CLNK: variants seen among roughly 807,000 people sequenced by gnomAD.
CLNK encodes cytokine dependent hematopoietic cell linker, also known as cytokine-dependent hematopoietic cell linker.
In CLNK, 74 loss-of-function variants were observed where a neutral mutation model predicts 68.6. The observed-to-expected ratio is 1.08, with a 90% CI of 0.89 to 1.31. CLNK has a LOEUF of 1.31. Among genes scored for constraint, CLNK ranks in the 50% most tolerant of loss-of-function variants. The pLI, the probability that CLNK is intolerant of heterozygous loss-of-function variation, is 0.00. For missense variants in CLNK, 553 were observed against 515.3 expected (o/e 1.07, Z -0.71); for synonymous variants, 198 against 172.2 (o/e 1.15, Z -1.17).
the CLNK span, among the ~76,000 whole-genome samples, chr4:10,722,364 T>A: frequency 1.3e-5 from 2 of 152,166 alleles, no homozygotes; most frequent in South Asian, 4.2e-4. Context: ...GGCTCCAACA[T>A]CCCCTTCCAG....
chr4:10,728,385 A>AGTGTGTGT, the CLNK span, among the ~76,000 whole-genome samples: 47 of 146,832 alleles, frequency 3.2e-4, no homozygotes, highest in South Asian at 1.5e-3. Context: ...TATTCTAAAG[A>AGTGTGTGT]GTGTGTGTGT....
chr4:10,613,164 A>G (rs1171048366), intron 2 of CLNK, among the ~76,000 whole-genome samples: 1 of 152,190 alleles, frequency 6.6e-6, no homozygotes, highest in African/African-American at 2.4e-5. Context: ...AGTAAACAGA[A>G]TGAATCAGGA....
At chr4:10,534,822 C>T (rs1199601197) in intron 11 of CLNK, among the ~76,000 whole-genome samples, 1 of 152,042 alleles carries the variant, frequency 6.6e-6, no homozygotes, top group Non-Finnish European at 1.5e-5. Flanking sequence ...ACCCAGTTTC[C>T]CCCAATAGCA....
chr4:10,699,872 C>T, the CLNK span, among the ~76,000 whole-genome samples: 8 of 151,924 alleles, frequency 5.3e-5, no homozygotes, highest in Non-Finnish European at 7.4e-5. Context: ...AATATCAATG[C>T]TATGTACATA....
At chr4:10,600,554 T>C (rs911307787) in intron 2 of CLNK, among the ~76,000 whole-genome samples, 1 of 152,170 alleles carries the variant, frequency 6.6e-6, no homozygotes, top group African/African-American at 2.4e-5. Flanking sequence ...CATGTCCATA[T>C]CCCCTTGCAT....
At chr4:10,678,692 A>G (rs927022826) in intron 1 of CLNK, among the ~76,000 whole-genome samples, 8 of 152,196 alleles carry the variant, frequency 5.3e-5, no homozygotes, top group African/African-American at 1.7e-4. Flanking sequence ...AGGATACAAA[A>G]TCAATGTGCA....
intron 8 of CLNK, among the ~76,000 whole-genome samples, chr4:10,546,791 G>T (rs1191370803): frequency 1.3e-5 from 2 of 152,070 alleles, no homozygotes; most frequent in East Asian, 1.9e-4. Context: ...TGGAAACTAG[G>T]TGATGATTTA....
intron 11 of CLNK, among the ~76,000 whole-genome samples, chr4:10,537,710 T>TTCCTTCCTTC (rs1472351077): frequency 6.0e-5 from 3 of 49,672 alleles, no homozygotes; most frequent in African/African-American, 9.4e-5. Context: ...TTCCTTCCTT[T>TTCCTTCCTTC]CTTTCTTTCT....
chr4:10,502,814 C>G (rs1717109563), intron 17 of CLNK, among the ~76,000 whole-genome samples: 1 of 151,836 alleles, frequency 6.6e-6, no homozygotes, highest in Non-Finnish European at 1.5e-5. Context: ...GGCAAGGAAG[C>G]AAAGACAGAA....
chr4:10,513,912 G>A (rs1293188929), intron 15 of CLNK, among the ~76,000 whole-genome samples: 2 of 143,872 alleles, frequency 1.4e-5, no homozygotes, highest in Admixed American at 7.0e-5. Flanking sequence ...CATTGTGCAG[G>A]TTAGTTACAT....
chr4:10,656,858 ATAT>A (rs1198888814), intron 2 of CLNK, among the ~76,000 whole-genome samples: 1 of 152,326 alleles, frequency 6.6e-6, no homozygotes, highest in East Asian at 1.9e-4. Flanking sequence ...GCACATAAAA[ATAT>A]TATATTTCCA....
the CLNK span, chr4:10,697,529 C>A: frequency 6.6e-6 from 1 of 152,046 alleles, no homozygotes; most frequent in Non-Finnish European, 1.5e-5. Flanking sequence ...AGGATTATGG[C>A]GATGGATGAC....
chr4:10,633,613 G>A (rs970223077), intron 2 of CLNK, among the ~76,000 whole-genome samples: 7 of 152,196 alleles, frequency 4.6e-5, no homozygotes, highest in Admixed American at 2.6e-4. Context: ...GCTCGTAGGT[G>A]TCTATCTGCA....
chr4:10,656,157 T>C (rs754007081), intron 2 of CLNK, among the ~76,000 whole-genome samples: 2 of 151,808 alleles, frequency 1.3e-5, no homozygotes, highest in Non-Finnish European at 2.9e-5. Flanking sequence ...CTTTAAACAA[T>C]ACACAAAATG....
chr4:10,602,700 G>A (rs965514451), intron 2 of CLNK, among the ~76,000 whole-genome samples: 6 of 152,148 alleles, frequency 3.9e-5, no homozygotes, highest in Non-Finnish European at 7.3e-5. Context: ...TATGGCAGCC[G>A]CAGGAAAGAC....
chr4:10,542,443 C>G (rs972381510), intron 8 of CLNK, among the ~76,000 whole-genome samples, 163 bp from the exon 9 acceptor site: 1 of 152,032 alleles, frequency 6.6e-6, no homozygotes, highest in Non-Finnish European at 1.5e-5. Context: ...ATGCTAAACT[C>G]TTTAGTTACG....
At chr4:10,524,913 G>A (rs1390643212) in intron 14 of CLNK, among the ~76,000 whole-genome samples, 1 of 152,156 alleles carries the variant, frequency 6.6e-6, no homozygotes, top group African/African-American at 2.4e-5. Flanking sequence ...CTGCAGTGCC[G>A]AGAGTGAGAG....
At chr4:10,588,474 A>G (rs940386336) in intron 3 of CLNK, among the ~76,000 whole-genome samples, 2 of 152,206 alleles carry the variant, frequency 1.3e-5, no homozygotes, top group Admixed American at 6.5e-5. Flanking sequence ...GCAGAACTGA[A>G]GTCTTCTGAC....
intron 2 of CLNK, among the ~76,000 whole-genome samples, chr4:10,631,965 A>G (rs1390434321): frequency 2.0e-5 from 3 of 152,210 alleles, no homozygotes; most frequent in Non-Finnish European, 4.4e-5. Context: ...TAGAAGGCTC[A>G]AGGTGCGCAT....
Sources: gnomAD v4.1 joint callset for allele counts (sites outside exome capture counted in the v4.1 genomes callset) on GRCh38, gnomAD v4.1.1 for gene constraint, MANE v1.5 for transcripts, NCBI Gene and HGNC (gene_info 2026-07-23, HGNC 2026-07-21) for gene names.